SUGCT: variants seen among roughly 807,000 people sequenced by gnomAD.
The protein encoded by SUGCT is succinyl-CoA:glutarate CoA-transferase.
In SUGCT, 41 loss-of-function variants were observed where a neutral mutation model predicts 55.0. The ratio of observed to expected loss-of-function variants is 0.74; its 90% confidence interval spans 0.58 to 0.97. The LOEUF (loss-of-function observed/expected upper bound fraction) is 0.97. Ranked by LOEUF, SUGCT falls within the 50% of genes least tolerant of loss-of-function variation. The probability of loss-of-function intolerance (pLI) is 0.00; values close to 1 mark genes in which losing one functional copy is unlikely to be tolerated. For synonymous variants in SUGCT, 187 were observed against 200.4 expected, an observed-to-expected ratio of 0.93 and a Z score of 0.56; for missense variants, 568 against 547.8, an observed-to-expected ratio of 1.04 and a Z score of -0.37.
chr7:40,535,620 C>T (rs1375684242), intron 12 of SUGCT, among the ~76,000 whole-genome samples: 2 of 152,172 alleles, frequency 1.3e-5, no homozygotes, highest in African/African-American at 4.8e-5. Context: ...AATCAACCTA[C>T]ATGCCAATCA....
Position 40,241,898 on chromosome 7 carries a change from G to A in SUGCT, c.576+4172G>A, listed in dbSNP as rs147839294. Among the ~76,000 whole-genome samples the A allele has an allele frequency of 3.1e-3, 407 of 129,636 alleles. 4 individuals are homozygous for A. The highest frequency in any genetic ancestry group is 0.012 in the African/African-American group (389 of 33,392). The allele number at this position is 129,636 out of a possible 152,430, so 85.0% of individuals were successfully genotyped here. ...TCACGCCACTGTACTCCAGCCTGGC[G>A]ACAGACCAAGACTCTGTCTCCAAAA... On this transcript the variant is annotated intron_variant, in intron 7 of 13. Coordinates refer to ENST00000335693, the MANE Select transcript of SUGCT (RefSeq NM_001193313.2).
chr7:40,811,775 G>T (rs1315127608), intron 13 of SUGCT, among the ~76,000 whole-genome samples: 1 of 152,102 alleles, frequency 6.6e-6, no homozygotes, highest in Non-Finnish European at 1.5e-5. Flanking sequence ...TTGCCTGATT[G>T]CTCTGGCTAG....
intron 6 of SUGCT, among the ~76,000 whole-genome samples, chr7:40,196,600 G>T (rs1786303850): frequency 6.6e-6 from 1 of 152,170 alleles, no homozygotes; most frequent in Non-Finnish European, 1.5e-5. Context: ...TTTGAGTAGA[G>T]ACCTGCATGG....
the SUGCT span, among the ~76,000 whole-genome samples, chr7:40,943,191 T>G: frequency 2.6e-5 from 4 of 151,760 alleles, no homozygotes; most frequent in African/African-American, 9.7e-5. Context: ...GTTGATGATT[T>G]CTTCTAATTA....
At chr7:40,783,721 G>A (rs903913020) in intron 13 of SUGCT, 4 of 152,122 alleles carry the variant, frequency 2.6e-5, no homozygotes, top group Non-Finnish European at 5.9e-5. Flanking sequence ...ATGAATTACT[G>A]AGAAAATATA....
intron 12 of SUGCT, among the ~76,000 whole-genome samples, chr7:40,702,423 A>G (rs1207082554): frequency 1.3e-5 from 2 of 152,168 alleles, no homozygotes; most frequent in Middle Eastern, 3.2e-3. Context: ...AAAAATACCA[A>G]AGTCAAGAAA....
At chr7:40,257,662 G>A (rs1313542748) in intron 7 of SUGCT, among the ~76,000 whole-genome samples, 3 of 152,086 alleles carry the variant, frequency 2.0e-5, no homozygotes, top group African/African-American at 7.2e-5. Context: ...GATCACCTGA[G>A]GCCAGGAGTT....
At chr7:40,648,076 A>G (rs1174287200) in intron 12 of SUGCT, among the ~76,000 whole-genome samples, 1 of 152,214 alleles carries the variant, frequency 6.6e-6, no homozygotes, top group Non-Finnish European at 1.5e-5. Flanking sequence ...AAAGACTACA[A>G]AAGTCTAGAA....
At chr7:40,929,125 A>G in the SUGCT span, among the ~76,000 whole-genome samples, 1 of 143,260 alleles carries the variant, frequency 7.0e-6, no homozygotes, top group Non-Finnish European at 1.5e-5. Flanking sequence ...GATGTTACCC[A>G]CCCTGTTCTC....
At chr7:40,205,412 T>TG (rs1414005273) in intron 6 of SUGCT, among the ~76,000 whole-genome samples, 2 of 150,524 alleles carry the variant, frequency 1.3e-5, no homozygotes, top group East Asian at 4.0e-4. Flanking sequence ...GAGGCCAAGG[T>TG]GGGCAGATCA....
the SUGCT span, among the ~76,000 whole-genome samples, chr7:40,926,900 T>C: frequency 1.3e-5 from 2 of 152,192 alleles, no homozygotes; most frequent in East Asian, 1.9e-4. Context: ...GGCCAAATAT[T>C]AGTTTGAGGT....
At chr7:40,639,193 T>C (rs1160109741) in intron 12 of SUGCT, among the ~76,000 whole-genome samples, 1 of 152,210 alleles carries the variant, frequency 6.6e-6, no homozygotes, top group Non-Finnish European at 1.5e-5. Flanking sequence ...ATTTTACTTA[T>C]TAGTACTCCT....
intron 12 of SUGCT, among the ~76,000 whole-genome samples, chr7:40,708,683 TA>T (rs1362652768): frequency 6.6e-6 from 1 of 152,196 alleles, no homozygotes; most frequent in African/African-American, 2.4e-5. Context: ...CAGGTCTTTA[TA>T]CTTGCTGTTG....
At chr7:40,593,864 C>T (rs536301521) in intron 12 of SUGCT, among the ~76,000 whole-genome samples, 7 of 152,204 alleles carry the variant, frequency 4.6e-5, no homozygotes, top group African/African-American at 1.7e-4. Context: ...AACAAAATCT[C>T]ACTATGATTT....
the SUGCT span, among the ~76,000 whole-genome samples, chr7:40,902,415 T>G: frequency 6.6e-6 from 1 of 151,300 alleles, no homozygotes; most frequent in African/African-American, 2.4e-5. Flanking sequence ...CCATCTCTAC[T>G]GAAAATACAA....
At chr7:40,493,272 G>A (rs938204844) in intron 11 of SUGCT, among the ~76,000 whole-genome samples, 26 of 152,166 alleles carry the variant, frequency 1.7e-4, no homozygotes, top group African/African-American at 6.0e-4. Flanking sequence ...GGATAATACT[G>A]TATAGTGTGG....
intron 13 of SUGCT, among the ~76,000 whole-genome samples, chr7:40,805,328 A>G (rs1244812112): frequency 6.6e-6 from 1 of 151,846 alleles, no homozygotes; most frequent in Non-Finnish European, 1.5e-5. Context: ...TATGCATACC[A>G]CCCCAGCCAA....
chr7:40,814,384 A>C (rs892457780), intron 13 of SUGCT, among the ~76,000 whole-genome samples: 7 of 151,950 alleles, frequency 4.6e-5, no homozygotes, highest in Admixed American at 1.3e-4. Context: ...TGACAACTTT[A>C]TTCATTTTTT....
At chr7:40,949,998 A>C in the SUGCT span, among the ~76,000 whole-genome samples, 2 of 152,118 alleles carry the variant, frequency 1.3e-5, no homozygotes, top group South Asian at 2.1e-4. Flanking sequence ...TGAAGAAAGT[A>C]ATTGGTAGCT....
Sources: allele counts gnomAD v4.1 joint callset (sites outside exome capture counted in the v4.1 genomes callset), GRCh38; gene constraint gnomAD v4.1.1; transcripts MANE v1.5; gene names NCBI Gene and HGNC (gene_info 2026-07-23, HGNC 2026-07-21).